The following FRMD4B variants were observed in gnomAD, a reference collection of about 807,000 sequenced individuals.
FRMD4B encodes FERM domain containing 4B.
A neutral mutation model predicts 141.5 loss-of-function variants in FRMD4B; 74 were observed. That is an observed-to-expected ratio of 0.52 (90% CI 0.43 to 0.63). The LOEUF is 0.63. Ranked by LOEUF, FRMD4B falls within the 30% of genes least tolerant of loss-of-function variation. The pLI, the probability that FRMD4B is intolerant of heterozygous loss-of-function variation, is 0.00. For missense variants in FRMD4B, 1,366 were observed against 1,253.4 expected (o/e 1.09, Z -1.36); for synonymous variants, 506 against 467.9 (o/e 1.08, Z -1.05).
In FRMD4B at chr3:69,311,242, TA is replaced by T; in HGVS notation, c.323+20del. 8.4e-7 allele frequency: 1 copy of T among 1,191,914 alleles called. No homozygotes were observed. Among genetic ancestry groups the T allele is most frequent in the South Asian group, 1.3e-5 (1 of 78,030 alleles). 73.8% of individuals were successfully genotyped at this position (1,191,914 alleles called of 1,614,324 possible). On this transcript the variant is annotated intron_variant, in intron 3 of 22. Transcript: ENST00000398540. ...TAGCCCAGGCAAAAGGTAAAGAAAC[TA>T]AAACTATTAAAGGACTTACGTGTCA...
At chr3:69,313,862 G>A (rs983863553) in intron 1 of FRMD4B, among the ~76,000 whole-genome samples, 7 of 150,820 alleles carry the variant, frequency 4.6e-5, no homozygotes, top group South Asian at 2.1e-4. Flanking sequence ...AAAAAAGGCC[G>A]GGCGCGGTGG....
chr3:69,503,541 G>T lies in FRMD4B; in HGVS notation c.-129+38665C>A, dbSNP rs186065121. ...CACACACTGTGGCCTGTTGTGGGGT[G>T]GGGGGAGGGGGGAGGGATAGCATTA... is the stretch of plus-strand genomic sequence containing the variant. On this transcript the variant is annotated intron_variant, in intron 1 of 5. Coordinates refer to the FRMD4B transcript ENST00000459638. Among the ~76,000 whole-genome samples, 44 of 105,346 alleles carry T rather than the reference G, an allele frequency of 4.2e-4. 1 individual carries two copies. The East Asian group carries it at 0.014, about 34-fold the overall frequency. 69.1% of individuals were successfully genotyped at this position (105,346 alleles called of 152,430 possible).
chr3:69,535,192 T>A (rs1421086095), intron 1 of FRMD4B, among the ~76,000 whole-genome samples: 1 of 151,408 alleles, frequency 6.6e-6, no homozygotes, highest in East Asian at 1.9e-4. Flanking sequence ...TGAGTGTAGA[T>A]CCTCTGAAGC....
intron 2 of FRMD4B, among the ~76,000 whole-genome samples, chr3:69,420,546 C>T (rs1704957367): frequency 1.3e-5 from 2 of 152,084 alleles, no homozygotes; most frequent in South Asian, 4.1e-4. Context: ...AGTCACTATG[C>T]TAAACCCCCT....
chr3:69,540,654 TATATATACACACACACAC>T (rs1559557489), intron 1 of FRMD4B, among the ~76,000 whole-genome samples: 3 of 78,240 alleles, frequency 3.8e-5, no homozygotes, highest in Admixed American at 1.6e-4. Flanking sequence ...TATATATATA[TATATATACACACACACAC>T]ACACACACAC....
intron 2 of FRMD4B, among the ~76,000 whole-genome samples, chr3:69,429,319 G>C (rs1241812666): frequency 6.6e-6 from 1 of 152,174 alleles, no homozygotes; most frequent in Non-Finnish European, 1.5e-5. Flanking sequence ...TTAGAATTTT[G>C]ATAAGTATTG....
At chr3:69,315,700 A>T (rs1437116757) in intron 1 of FRMD4B, among the ~76,000 whole-genome samples, 1 of 152,260 alleles carries the variant, frequency 6.6e-6, no homozygotes, top group Non-Finnish European at 1.5e-5. Context: ...TTGTGTGGAT[A>T]CACGATAATT....
intron 1 of FRMD4B, among the ~76,000 whole-genome samples, chr3:69,522,488 C>G (rs532855135): frequency 6.6e-6 from 1 of 152,158 alleles, no homozygotes; most frequent in Non-Finnish European, 1.5e-5. Flanking sequence ...CTCCCCCATA[C>G]TCCAGCAAGA....
At chr3:69,195,484 G>T in intron 14 of FRMD4B, 120 bp from the exon 15 acceptor site, 1 of 748,896 alleles carries the variant, frequency 1.3e-6, no homozygotes, top group Non-Finnish European at 2.0e-6. Flanking sequence ...TTTTCTCCTT[G>T]TTTCTCAACA....
At chr3:69,228,138 G>A (rs1470171329) in intron 7 of FRMD4B, among the ~76,000 whole-genome samples, 3 of 152,190 alleles carry the variant, frequency 2.0e-5, no homozygotes, top group Non-Finnish European at 4.4e-5. Context: ...GCTTCTACTG[G>A]GTAGTTCCTA....
At chr3:69,224,445 A>G (rs143970884) in intron 8 of FRMD4B, among the ~76,000 whole-genome samples, 162 bp downstream of exon 8, 1 of 152,336 alleles carries the variant, frequency 6.6e-6, no homozygotes, top group Non-Finnish European at 1.5e-5. Context: ...CTTTGAGTAG[A>G]TCCTTTCACT....
intron 10 of FRMD4B, among the ~76,000 whole-genome samples, chr3:69,217,530 G>A (rs1283013212): frequency 5.3e-5 from 8 of 152,188 alleles, no homozygotes; most frequent in East Asian, 1.9e-4. Context: ...GCTGAGGCAG[G>A]AGAATTGATC....
intron 1 of FRMD4B, among the ~76,000 whole-genome samples, chr3:69,512,200 T>C (rs1706700429): frequency 1.3e-5 from 2 of 152,194 alleles, no homozygotes. Flanking sequence ...AGTGAGGCAC[T>C]GCACGGGGCT....
chr3:69,307,946 T>C (rs770773696), intron 3 of FRMD4B, among the ~76,000 whole-genome samples: 4 of 152,176 alleles, frequency 2.6e-5, no homozygotes, highest in Non-Finnish European at 4.4e-5. Context: ...CTTGGGCAAA[T>C]GTACCTTGTT....
chr3:69,304,197 C>T (rs551028590), intron 3 of FRMD4B, among the ~76,000 whole-genome samples: 18 of 148,236 alleles, frequency 1.2e-4, no homozygotes, highest in Admixed American at 3.4e-4. Flanking sequence ...AAAAAAAGGC[C>T]GGGCACAGTG....
chr3:69,494,962 G>A (rs1429528805), intron 1 of FRMD4B, among the ~76,000 whole-genome samples: 2 of 151,320 alleles, frequency 1.3e-5, no homozygotes, highest in Non-Finnish European at 3.0e-5. Context: ...GGGAGTGGAG[G>A]GGAAGGAAAG....
intron 1 of FRMD4B, among the ~76,000 whole-genome samples, chr3:69,442,096 C>CTTTTTT (rs555745880): frequency 7.0e-6 from 1 of 142,414 alleles, no homozygotes; most frequent in African/African-American, 2.6e-5. Context: ...AAAGAAGTTT[C>CTTTTTT]TTTTTTTTTT....
chr3:69,361,523 C>A (rs1220804036), intron 1 of FRMD4B, among the ~76,000 whole-genome samples: 1 of 152,192 alleles, frequency 6.6e-6, no homozygotes, highest in East Asian at 1.9e-4. Context: ...CCTCCCATAA[C>A]AACCACTATT....
intron 11 of FRMD4B, among the ~76,000 whole-genome samples, chr3:69,213,846 T>C (rs774382054): frequency 3.3e-5 from 5 of 151,926 alleles, no homozygotes; most frequent in African/African-American, 4.8e-5. Context: ...AAGTTTTCTT[T>C]TTCTTTTTTT....
Sources: gnomAD v4.1 joint callset for allele counts (sites outside exome capture counted in the v4.1 genomes callset) on GRCh38, gnomAD v4.1.1 for gene constraint, MANE v1.5 for transcripts, NCBI Gene and HGNC (gene_info 2026-07-23, HGNC 2026-07-21) for gene names.